Variants in GDAP1 observed in about 807,000 individuals in gnomAD.
GDAP1 encodes ganglioside-induced differentiation-associated protein 1.
GDAP1 carries 34 observed loss-of-function variants against 40.1 expected under a neutral mutation model. That is an observed-to-expected ratio of 0.85 (90% CI 0.64 to 1.13). GDAP1 has a LOEUF of 1.13. GDAP1 is among the 50% of genes most tolerant of loss of function. The pLI is 0.00. For synonymous variants in GDAP1, 170 were observed against 157.4 expected (o/e 1.08, Z -0.60); for missense variants, 374 against 433.7 (o/e 0.86, Z 1.22).
intron 2 of GDAP1, among the ~76,000 whole-genome samples, chr8:74,419,344 AAAAG>A (rs1805826888): frequency 6.6e-6 from 1 of 152,214 alleles, no homozygotes; most frequent in African/African-American, 2.4e-5. Context: ...TGAACAATGA[AAAAG>A]AATGTCCTAT....
In GDAP1 at chr8:74,365,829, C is replaced by A. The variant is rs1382850095; in HGVS notation, c.*1462C>A. The A allele has an allele frequency of 2.2e-6, 1 of 454,092 alleles. No homozygotes were observed. Among genetic ancestry groups the A allele is most frequent in the East Asian group, 7.0e-5 (1 of 14,388 alleles). 28.1% of individuals were successfully genotyped at this position (454,092 alleles called of 1,614,324 possible). A position where few individuals can be genotyped will look rare whatever the true frequency, so the allele number is the denominator to read the frequency against. ...AACCTCCAGAGTAAACTCAGTCAAA[C>A]AATAATTGAGTAGCAGCTTTTATAA... On this transcript the variant is annotated 3_prime_UTR_variant, in exon 6 of 6. Transcript: ENST00000220822.
chr8:74,397,836 C>T (rs1024638108), intron 2 of GDAP1, among the ~76,000 whole-genome samples: 15 of 151,794 alleles, frequency 9.9e-5, no homozygotes, highest in East Asian at 7.7e-4. Flanking sequence ...CTTGGCGATG[C>T]GGGCTCTTTT....
At chr8:74,389,218 A>G (rs1810071778) in intron 2 of GDAP1, among the ~76,000 whole-genome samples, 3 of 152,022 alleles carry the variant, frequency 2.0e-5, no homozygotes, top group South Asian at 2.1e-4. Context: ...TCATCCTGTC[A>G]TGATGCCAGC....
At chr8:74,409,420 T>C (rs1586825672) in intron 2 of GDAP1, among the ~76,000 whole-genome samples, 1 of 149,832 alleles carries the variant, frequency 6.7e-6, no homozygotes, top group Admixed American at 6.6e-5. Context: ...GGTGCGATCT[T>C]GGCTCACTGC....
chr8:74,459,401 C>G (rs761257579), intron 2 of GDAP1, among the ~76,000 whole-genome samples: 3 of 152,100 alleles, frequency 2.0e-5, no homozygotes, highest in South Asian at 2.1e-4. Context: ...GACACACAGA[C>G]CTTTTTAAAA....
At position 74,438,700 on chromosome 8, in the gene GDAP1, C is replaced by T. The variant is rs150364827; in HGVS notation, c.166-49978C>T. On this transcript the variant is annotated intron_variant, in intron 2 of 2. Coordinates refer to the GDAP1 transcript ENST00000523640. Reference sequence around the variant, plus strand: ...GCTGCAGTCTTGACCTCCTGGGCTCCAGCAATCCTTCCACCTCAGCCTCCC... The same window carrying T: ...GCTGCAGTCTTGACCTCCTGGGCTCTAGCAATCCTTCCACCTCAGCCTCCC... Among the ~76,000 whole-genome samples the T allele has an allele frequency of 9.0e-4, 137 of 152,186 alleles. No individual in the cohort carries two copies. Among genetic ancestry groups the T allele is most frequent in the Middle Eastern group, 3.4e-3 (1 of 294 alleles).
At chr8:74,429,586 T>G (rs1043557474) in intron 2 of GDAP1, among the ~76,000 whole-genome samples, 1 of 152,198 alleles carries the variant, frequency 6.6e-6, no homozygotes, top group Admixed American at 6.5e-5. Context: ...TCAGATGTCT[T>G]CACATGGTCT....
intron 2 of GDAP1, among the ~76,000 whole-genome samples, chr8:74,396,817 T>C (rs369583393): frequency 3.9e-5 from 6 of 152,148 alleles, no homozygotes; most frequent in South Asian, 4.1e-4. Flanking sequence ...AATAAACATA[T>C]GTGTGCATGT....
chr8:74,390,545 T>C (rs900927974), intron 2 of GDAP1, among the ~76,000 whole-genome samples: 1 of 152,152 alleles, frequency 6.6e-6, no homozygotes, highest in Non-Finnish European at 1.5e-5. Flanking sequence ...CTATTCCTTT[T>C]TGTAGAAGCT....
chr8:74,374,789 C>A (rs186729458), intron 2 of GDAP1, among the ~76,000 whole-genome samples: 1 of 150,986 alleles, frequency 6.6e-6, no homozygotes, highest in Admixed American at 6.6e-5. Flanking sequence ...CAAAAGTGAC[C>A]CAATAAGAAA....
intron 2 of GDAP1, among the ~76,000 whole-genome samples, chr8:74,380,244 T>C (rs757763257): frequency 6.6e-6 from 1 of 152,208 alleles, no homozygotes; most frequent in Non-Finnish European, 1.5e-5. Context: ...GGATGAATAT[T>C]GTGTGAGATT....
At chr8:74,398,831 G>A (rs1687696942) in intron 2 of GDAP1, among the ~76,000 whole-genome samples, 1 of 151,908 alleles carries the variant, frequency 6.6e-6, no homozygotes, top group Non-Finnish European at 1.5e-5. Flanking sequence ...CTTTGGTTCT[G>A]TTTATATGCT....
chr8:74,385,324 C>G (rs1338860079), intron 2 of GDAP1, among the ~76,000 whole-genome samples: 1 of 152,108 alleles, frequency 6.6e-6, no homozygotes. Context: ...CTATCCGTCC[C>G]CTAACCGCCC....
Position 74,401,874 on chromosome 8 carries a change from T to G in GDAP1, c.165+50553T>G, listed in dbSNP as rs1458271564. ...GCGGTGTCTGCAGAACAGCGGATTTTCTTGAACCGCGAATGCTGCTGTCTG... is the reference window on the plus strand; with the variant it reads ...GCGGTGTCTGCAGAACAGCGGATTTGCTTGAACCGCGAATGCTGCTGTCTG... On this transcript the variant is annotated intron_variant, in intron 2 of 2. Transcript: ENST00000523640. Among the ~76,000 whole-genome samples, 5 of 150,008 alleles carry G rather than the reference T, an allele frequency of 3.3e-5. 1 individual carries two copies. The highest frequency in any genetic ancestry group is 1.3e-4 in the African/African-American group (5 of 39,338).
intron 5 of GDAP1, among the ~76,000 whole-genome samples, chr8:74,363,688 C>T (rs1029362520): frequency 2.0e-5 from 3 of 152,184 alleles, no homozygotes; most frequent in African/African-American, 7.2e-5. Flanking sequence ...TGGAGGCTCC[C>T]AACCCCTTAG....
intron 2 of GDAP1, among the ~76,000 whole-genome samples, chr8:74,373,807 G>A (rs1189230037): frequency 6.6e-6 from 1 of 152,172 alleles, no homozygotes; most frequent in Non-Finnish European, 1.5e-5. Context: ...AATAGGAGTG[G>A]TGAGAGAGGG....
intron 2 of GDAP1, among the ~76,000 whole-genome samples, chr8:74,401,382 G>C (rs1017670268): frequency 6.7e-6 from 1 of 149,688 alleles, no homozygotes; most frequent in Non-Finnish European, 1.5e-5. Context: ...CGTAGTTCTC[G>C]AGCCTTGGCT....
intron 2 of GDAP1, among the ~76,000 whole-genome samples, chr8:74,425,046 C>G (rs1025088383): frequency 6.6e-6 from 1 of 152,200 alleles, no homozygotes; most frequent in African/African-American, 2.4e-5. Context: ...ATTCTACTCA[C>G]AGCAGCTGCA....
At chr8:74,417,498 C>T (rs904279010) in intron 2 of GDAP1, among the ~76,000 whole-genome samples, 2 of 150,012 alleles carry the variant, frequency 1.3e-5, no homozygotes, top group Non-Finnish European at 2.9e-5. Context: ...AACTCTTGAC[C>T]TCAGGTGATC....
Sources: allele counts gnomAD v4.1 joint callset (sites outside exome capture counted in the v4.1 genomes callset), GRCh38; gene constraint gnomAD v4.1.1; transcripts MANE v1.5; gene names NCBI Gene and HGNC (gene_info 2026-07-23, HGNC 2026-07-21).